The following ARHGAP32 variants were observed in gnomAD, a reference collection of about 807,000 sequenced individuals.
ARHGAP32 encodes the protein rho GTPase-activating protein 32.
In ARHGAP32, 51 loss-of-function variants were observed where a neutral mutation model predicts 186.5. That is an observed-to-expected ratio of 0.27 (90% CI 0.22 to 0.35). The LOEUF (loss-of-function observed/expected upper bound fraction) is 0.35. Among genes scored for constraint, ARHGAP32 ranks in the 10% least tolerant of loss-of-function variants. ARHGAP32 has a pLI of 1.00. For synonymous variants in ARHGAP32, 950 were observed against 964.3 expected (o/e 0.99, Z 0.27); for missense variants, 2,186 against 2,623.5 (o/e 0.83, Z 3.64).
At chr11:129,097,097 A>G (rs1941751037) in intron 5 of ARHGAP32, among the ~76,000 whole-genome samples, 1 of 152,080 alleles carries the variant, frequency 6.6e-6, no homozygotes, top group Non-Finnish European at 1.5e-5. Flanking sequence ...CATTAGATTC[A>G]AATGTCCATT....
intron 11 of ARHGAP32, among the ~76,000 whole-genome samples, chr11:129,012,433 T>C (rs962076417): frequency 2.0e-5 from 3 of 152,160 alleles, no homozygotes; most frequent in Admixed American, 2.0e-4. Flanking sequence ...TAATGATATA[T>C]TGGTTGCAAT....
chr11:129,108,803 T>C (rs965370300), intron 5 of ARHGAP32, among the ~76,000 whole-genome samples: 2 of 152,164 alleles, frequency 1.3e-5, no homozygotes, highest in African/African-American at 2.4e-5. Context: ...TACATAATAT[T>C]TTACATATTT....
intron 5 of ARHGAP32, among the ~76,000 whole-genome samples, chr11:129,115,810 A>T (rs1008211378): frequency 6.6e-6 from 1 of 152,086 alleles, no homozygotes; most frequent in Admixed American, 6.6e-5. Context: ...AGTGTTTGTG[A>T]AATACAGATC....
In ARHGAP32 at chr11:128,970,517, A is replaced by G; in HGVS notation, c.4696T>C (p.Cys1566Arg). The part of the protein sequence containing the change: ...RNASGHHSKP[C>R]SRVEYVSSLS... ...GAAGACACATACTCGACCCGGCTGC[A>G]TGGCTTGGAGTGGTGTCCAGATGCG... The change falls in exon 23 of 23, where the codon TGC becomes CGC. Residue 1566 changes from cysteine to arginine, a missense_variant. Cys to Arg is a radical substitution (Grantham distance 180). Transcript: ENST00000682385. This position sits in a 1 kb window ranked among gnomAD's most constrained non-coding sequence, Gnocchi z 5.8. The G allele has an allele frequency of 6.2e-7, 1 of 1,614,142 alleles. No homozygotes were observed. Among genetic ancestry groups the G allele is most frequent in the Non-Finnish European group, 8.5e-7 (1 of 1,180,008 alleles).
intron 6 of ARHGAP32, among the ~76,000 whole-genome samples, chr11:129,069,351 G>A (rs973225269): frequency 2.0e-5 from 3 of 152,030 alleles, no homozygotes; most frequent in Non-Finnish European, 4.4e-5. Context: ...TAGGCAGATA[G>A]AAATTGCTCA....
chr11:129,009,703 A>G (rs1937973775), intron 11 of ARHGAP32, among the ~76,000 whole-genome samples: 1 of 152,118 alleles, frequency 6.6e-6, no homozygotes, highest in African/African-American at 2.4e-5. Context: ...TCCATGATGT[A>G]TATGTATCCC....
At chr11:129,163,161 G>T (rs1943564644) in intron 2 of ARHGAP32, among the ~76,000 whole-genome samples, 1 of 152,136 alleles carries the variant, frequency 6.6e-6, no homozygotes, top group Admixed American at 6.6e-5. Context: ...AAATGTTTGT[G>T]AATTTATGTC....
At chr11:129,024,902 T>C (rs1319172499) in intron 11 of ARHGAP32, among the ~76,000 whole-genome samples, 1 of 152,228 alleles carries the variant, frequency 6.6e-6, no homozygotes, top group African/African-American at 2.4e-5. Flanking sequence ...TTTGCATAAA[T>C]ACAATATAAA....
At chr11:129,117,424 G>C (rs1239751450) in intron 5 of ARHGAP32, among the ~76,000 whole-genome samples, 1 of 151,772 alleles carries the variant, frequency 6.6e-6, no homozygotes, top group Non-Finnish European at 1.5e-5. Flanking sequence ...GAAACTTCAG[G>C]CTTTTAAAAT....
In ARHGAP32 at chr11:128,969,470, C is replaced by T. The variant is rs1945296854; in HGVS notation, c.5743G>A (p.Ala1915Thr). 1 of 1,614,182 alleles carries T rather than the reference C, an allele frequency of 6.2e-7. No homozygotes were observed. Among genetic ancestry groups the T allele is most frequent in the Admixed American group, 1.7e-5 (1 of 60,022 alleles). The change falls in exon 23 of 23, where the codon GCT (alanine) becomes ACT (threonine). Residue 1915 changes from alanine (A) to threonine (T), a missense_variant. Around this residue, in one of 5 missense-constraint regions of ARHGAP32, gnomAD observed 1,502 missense variants for 1,570.0 expected, o/e 0.96. Coordinates refer to ENST00000682385, the MANE Select transcript of ARHGAP32 (RefSeq NM_001378024.1). The surrounding 1 kb of genome is among the most constrained non-coding windows in gnomAD (Gnocchi z 4.8). ...TTGGACCCATAATCTAACTGGCCAG[C>T]TCCCTGGGGATAAGGGGGCCCATTC... ...SKNGPPYPQG[A>T]GQLDYGSKGI...
At chr11:129,239,272 C>T (rs1270967723) in intron 1 of ARHGAP32, among the ~76,000 whole-genome samples, 1 of 152,266 alleles carries the variant, frequency 6.6e-6, no homozygotes, top group Non-Finnish European at 1.5e-5. Context: ...TTATTTTATA[C>T]CTAACTTTTT....
At chr11:129,093,519 G>T in intron 6 of ARHGAP32, 102 bp downstream of exon 6, 1 of 779,696 alleles carries the variant, frequency 1.3e-6, no homozygotes, top group Non-Finnish European at 2.2e-6. Context: ...TTTTTCTGTG[G>T]ATTATATCCT....
chr11:129,048,479 A>AT lies in ARHGAP32; in HGVS notation c.964-7471dup, dbSNP rs11310706. On this transcript the variant is annotated intron_variant, in intron 10 of 22. Transcript: ENST00000682385. ...TTAAGTAAGGAGTAGTAAAGTATCT[A>AT]TTTTTTTTTTTCATTAAGCCAAACA... 5.6e-3 allele frequency among the ~76,000 whole-genome samples: 836 copies of AT among 149,410 alleles called. 5 individuals carry two copies. The highest frequency in any genetic ancestry group is 0.014 in the South Asian group (66 of 4,698).
chr11:129,194,432 C>G (rs6590364), upstream of ARHGAP32, among the ~76,000 whole-genome samples: 41,297 of 151,946 alleles, frequency 0.27, 6,032 homozygotes, highest in Middle Eastern at 0.4. Context: ...CAAGGCAGCC[C>G]TACAGGTCAC....
intron 1 of ARHGAP32, among the ~76,000 whole-genome samples, chr11:129,203,709 T>C (rs1313869659): frequency 7.0e-6 from 1 of 143,436 alleles, no homozygotes; most frequent in Non-Finnish European, 1.5e-5. Flanking sequence ...GAACAAAGTC[T>C]TGTCTCTACA....
At position 129,129,646 on chromosome 11, in the gene ARHGAP32, A is replaced by G. The variant is rs918233234; in HGVS notation, c.226-4752T>C. ...GATCAGATTGTTACTGTGTCTGTGT[A>G]GAAAGAAGTAGACATGGGAGACTCC... On this transcript the variant is annotated intron_variant, in intron 2 of 22. Transcript: ENST00000682385. Among the ~76,000 whole-genome samples, 22 of 152,350 alleles carry G rather than the reference A, an allele frequency of 1.4e-4. No homozygotes were observed. The East Asian group carries it at 4.1e-3, about 28-fold the overall frequency.
At chr11:129,217,898 C>A (rs1398133526) in intron 1 of ARHGAP32, among the ~76,000 whole-genome samples, 8 of 152,238 alleles carry the variant, frequency 5.3e-5, no homozygotes, top group Middle Eastern at 3.4e-3. Context: ...GGACCCTGGG[C>A]AGGCTACTTA....
intron 1 of ARHGAP32, among the ~76,000 whole-genome samples, chr11:129,200,873 A>C (rs994177171): frequency 6.6e-6 from 1 of 152,164 alleles, no homozygotes; most frequent in Non-Finnish European, 1.5e-5. Context: ...AATTGAAAAA[A>C]AATCTTAATC....
chr11:129,034,345 T>C (rs1591550636), intron 11 of ARHGAP32, among the ~76,000 whole-genome samples: 1 of 152,352 alleles, frequency 6.6e-6, no homozygotes, highest in East Asian at 1.9e-4. Flanking sequence ...GTTTTTATAC[T>C]TCTGTCAAAA....
Sources: allele counts gnomAD v4.1 joint callset (sites outside exome capture counted in the v4.1 genomes callset), GRCh38; gene constraint gnomAD v4.1.1; regional missense constraint gnomAD v4.1.1; non-coding constraint Gnocchi (gnomAD v3.1); transcripts MANE v1.5; gene names NCBI Gene and HGNC (gene_info 2026-07-23, HGNC 2026-07-21).